The following DSE variants were observed in gnomAD, a reference collection of about 807,000 sequenced individuals.
The protein encoded by DSE is dermatan-sulfate epimerase.
DSE carries 36 observed loss-of-function variants against 84.4 expected under a neutral mutation model. The observed-to-expected ratio is 0.43, with a 90% CI of 0.33 to 0.56. DSE has a LOEUF of 0.56. Among genes scored for constraint, DSE ranks in the 20% least tolerant of loss-of-function variants. The probability of loss-of-function intolerance (pLI) is 0.06; values close to 1 mark genes in which losing one functional copy is unlikely to be tolerated. For missense variants in DSE, 862 were observed against 1,169.6 expected, an observed-to-expected ratio of 0.74 and a Z score of 3.84; for synonymous variants, 410 against 430.1, an observed-to-expected ratio of 0.95 and a Z score of 0.58.
At chr6:116,348,037 A>C (rs1183560713) in intron 2 of DSE, among the ~76,000 whole-genome samples, 1 of 152,260 alleles carries the variant, frequency 6.6e-6, no homozygotes, top group Non-Finnish European at 1.5e-5. Context: ...CAACGGACAC[A>C]TTAAAAAATG....
intron 2 of DSE, among the ~76,000 whole-genome samples, chr6:116,267,922 T>TA (rs1402741925): frequency 6.6e-6 from 1 of 152,066 alleles, no homozygotes; most frequent in African/African-American, 2.4e-5. Context: ...GAGCTCACTA[T>TA]AAAAAGAACA....
intron 2 of DSE, among the ~76,000 whole-genome samples, chr6:116,287,343 T>G (rs1327118330): frequency 2.0e-5 from 3 of 152,132 alleles, no homozygotes; most frequent in African/African-American, 7.2e-5. Flanking sequence ...CTTTTCCCTT[T>G]CCTTTCATTT....
intron 2 of DSE, among the ~76,000 whole-genome samples, chr6:116,324,871 C>T (rs968057043): frequency 6.6e-6 from 1 of 152,168 alleles, no homozygotes; most frequent in African/African-American, 2.4e-5. Context: ...TGCCTGTGTG[C>T]ACTCTCCTAT....
At chr6:116,370,121 T>C, upstream of DSE, 1 of 389,954 alleles carries the variant, frequency 2.6e-6, no homozygotes, top group Admixed American at 3.6e-5. Flanking sequence ...ACAGGAGGAC[T>C]CTTCTCCAGG....
intron 1 of DSE, chr6:116,255,553 A>G (rs1392498092): frequency 2.0e-5 from 3 of 152,152 alleles, no homozygotes; most frequent in Non-Finnish European, 4.4e-5. Flanking sequence ...GAGAGCAATT[A>G]TTTTTCTCTC....
At chr6:116,277,844 G>T (rs1385509363) in intron 2 of DSE, 1 of 147,696 alleles carries the variant, frequency 6.8e-6, no homozygotes, top group African/African-American at 2.6e-5. Context: ...GGAGGTTGCA[G>T]TGAGCCGAGA....
intron 2 of DSE, among the ~76,000 whole-genome samples, chr6:116,406,308 C>A (rs1393197287): frequency 6.6e-6 from 1 of 152,282 alleles, no homozygotes; most frequent in South Asian, 2.1e-4. Flanking sequence ...GTGCCCCTCA[C>A]CCCATATGAA....
At chr6:116,261,420 A>G (rs942579578) in intron 2 of DSE, among the ~76,000 whole-genome samples, 1 of 151,600 alleles carries the variant, frequency 6.6e-6, no homozygotes, top group Non-Finnish European at 1.5e-5. Flanking sequence ...CCTCAGCTTG[A>G]CTGTTTTTGG....
At chr6:116,365,616 T>G (rs1363174318), upstream of DSE, among the ~76,000 whole-genome samples, 2 of 152,166 alleles carry the variant, frequency 1.3e-5, no homozygotes, top group Non-Finnish European at 2.9e-5. Context: ...CACCACTACG[T>G]AGCATTGGTT....
intron 2 of DSE, among the ~76,000 whole-genome samples, chr6:116,324,678 G>A (rs560204662): frequency 7.9e-4 from 120 of 152,318 alleles, no homozygotes; most frequent in Non-Finnish European, 1.5e-3. Flanking sequence ...TGACCCGGAA[G>A]TTCATTATCC....
intron 1 of DSE, among the ~76,000 whole-genome samples, chr6:116,371,473 T>C (rs972176289): frequency 7.9e-5 from 12 of 152,222 alleles, no homozygotes; most frequent in Non-Finnish European, 1.6e-4. Flanking sequence ...CCAGCCGCGA[T>C]TTCCTCGACG....
intron 2 of DSE, among the ~76,000 whole-genome samples, chr6:116,292,484 G>A (rs1398618714): frequency 6.6e-6 from 1 of 152,108 alleles, no homozygotes; most frequent in Non-Finnish European, 1.5e-5. Flanking sequence ...AAAAATGAAT[G>A]ATAAATGAAC....
upstream of DSE, among the ~76,000 whole-genome samples, chr6:116,369,355 A>G (rs1331180883): frequency 6.6e-6 from 1 of 152,270 alleles, no homozygotes; most frequent in Non-Finnish European, 1.5e-5. Context: ...TACGGATTAC[A>G]TAATACAGCT....
chr6:116,279,760 A>C (rs147473642), intron 2 of DSE: 1 of 1,612,156 alleles, frequency 6.2e-7, no homozygotes, highest in East Asian at 2.2e-5. Context: ...GTCGCTCGGG[A>C]CTTGGTCAGA....
At chr6:116,254,207 T>TTA in exon 1 of DSE, 1 of 718,272 alleles carries the variant, frequency 1.4e-6, no homozygotes, top group Middle Eastern at 2.3e-4. Flanking sequence ...ATCCATCGTA[T>TTA]TCCTTTGTCT....
chr6:116,258,991 T>G, intron 2 of DSE: 7 of 1,491,336 alleles, frequency 4.7e-6, no homozygotes, highest in Non-Finnish European at 6.5e-6. Context: ...ATATTTCTCC[T>G]TCACTGCAAT....
intron 2 of DSE, among the ~76,000 whole-genome samples, chr6:116,339,507 A>T (rs2498703): frequency 0.77 from 116,457 of 152,152 alleles, 46,006 homozygotes; most frequent in East Asian, 1. Flanking sequence ...TAATGTGAAA[A>T]GATCAGAGCT....
chr6:116,335,947 C>T lies in DSE; in HGVS notation c.-53-63251C>T, dbSNP rs73767745. Among the ~76,000 whole-genome samples the T allele has an allele frequency of 1.8e-3, 281 of 152,240 alleles. 2 individuals carry two copies. The highest frequency in any genetic ancestry group is 6.7e-3 in the African/African-American group (277 of 41,516). On this transcript the variant is annotated intron_variant, in intron 2 of 3. Coordinates refer to the DSE transcript ENST00000430252. ...ATTATGAGGCACTTTGCATGAGTGA[C>T]ACTATTTTGGTCTGGTCTGGTCTGT...
chr6:116,367,241 T>C (rs1001626537), upstream of DSE: 4 of 152,214 alleles, frequency 2.6e-5, no homozygotes, highest in Admixed American at 2.6e-4. Flanking sequence ...CAGGGCAGTA[T>C]GGCTTGAGCA....
Sources: allele counts gnomAD v4.1 joint callset (sites outside exome capture counted in the v4.1 genomes callset), GRCh38; gene constraint gnomAD v4.1.1; transcripts MANE v1.5; gene names NCBI Gene and HGNC (gene_info 2026-07-23, HGNC 2026-07-21).